Variants in PTPRM observed in about 807,000 individuals in gnomAD.
PTPRM encodes protein tyrosine phosphatase receptor type M.
A neutral mutation model predicts 186.7 loss-of-function variants in PTPRM; 47 were observed. The observed-to-expected ratio is 0.25, with a 90% CI of 0.20 to 0.32. The LOEUF (loss-of-function observed/expected upper bound fraction) is 0.32, where lower values mean the gene tolerates loss of function less well. Among genes scored for constraint, PTPRM ranks in the 10% least tolerant of loss-of-function variants. The pLI is 1.00. For synonymous variants in PTPRM, 668 were observed against 674.9 expected (o/e 0.99, Z 0.16); for missense variants, 1,494 against 1,865.0 (o/e 0.80, Z 3.66).
chr18:7,641,243 T>C (rs948247307), intron 1 of PTPRM, among the ~76,000 whole-genome samples: 2 of 152,176 alleles, frequency 1.3e-5, no homozygotes, highest in Non-Finnish European at 2.9e-5. Flanking sequence ...AATTTGTCTT[T>C]AATATTAAAT....
intron 9 of PTPRM, among the ~76,000 whole-genome samples, chr18:8,084,404 G>A (rs1346358662): frequency 6.6e-6 from 1 of 152,054 alleles, no homozygotes; most frequent in East Asian, 1.9e-4. Context: ...GTCTCTTCTT[G>A]ACTTCCTTAA....
intron 13 of PTPRM, chr18:8,121,788 A>G (rs1432044078): frequency 6.6e-6 from 1 of 152,250 alleles, no homozygotes; most frequent in Non-Finnish European, 1.5e-5. Context: ...AAGAGAAAAC[A>G]TTGTGATTTC....
intron 1 of PTPRM, among the ~76,000 whole-genome samples, chr18:7,685,082 TTATAAACG>T (rs1039857943): frequency 1.3e-5 from 2 of 152,184 alleles, no homozygotes; most frequent in African/African-American, 4.8e-5. Context: ...AGGCACACGA[TTATAAACG>T]TAATCACAGG....
intron 1 of PTPRM, among the ~76,000 whole-genome samples, chr18:7,594,074 A>C (rs1331652206): frequency 6.6e-6 from 1 of 152,226 alleles, no homozygotes; most frequent in African/African-American, 2.4e-5. Context: ...GTTCTTTCCC[A>C]GTCAAGTTTC....
chr18:7,603,230 G>C (rs1054256862), intron 1 of PTPRM, among the ~76,000 whole-genome samples: 1 of 152,060 alleles, frequency 6.6e-6, no homozygotes, highest in Non-Finnish European at 1.5e-5. Flanking sequence ...GCCCGGCCTG[G>C]AATTATTTTA....
At chr18:8,209,913 A>C (rs1028447053) in intron 14 of PTPRM, among the ~76,000 whole-genome samples, 2 of 150,846 alleles carry the variant, frequency 1.3e-5, no homozygotes, top group Non-Finnish European at 3.0e-5. Context: ...AGGTGCAGCA[A>C]ACCACCATGG....
chr18:7,994,623 A>G (rs562699789), intron 7 of PTPRM, among the ~76,000 whole-genome samples: 2 of 152,326 alleles, frequency 1.3e-5, no homozygotes, highest in South Asian at 2.1e-4. Context: ...AATCACTTCA[A>G]GTATTTTATC....
At chr18:7,969,139 C>CA (rs542653970) in intron 7 of PTPRM, among the ~76,000 whole-genome samples, 917 of 35,932 alleles carry the variant, frequency 0.026, 65 homozygotes, top group African/African-American at 0.1. Flanking sequence ...AACTAGAACT[C>CA]AGGATTAAGA....
rs2095285285 is a variant in PTPRM, at chr18:8,313,540, T to A, written c.2843-1241T>A. 2.0e-5 allele frequency among the ~76,000 whole-genome samples: 3 copies of A among 152,122 alleles called. No individual in the cohort carries two copies. In the South Asian group the frequency reaches 6.2e-4, roughly 32 times the overall value. ...ACAGCAGTGATCAGTGCAGGAAAAT[T>A]CTGCCCTTAGGGTGCTATTAGCACA... On this transcript the variant is annotated intron_variant, in intron 20 of 32. Coordinates refer to ENST00000580170, the MANE Select transcript of PTPRM (RefSeq NM_001105244.2).
chr18:7,764,968 A>G (rs1013706236), intron 1 of PTPRM, among the ~76,000 whole-genome samples: 2 of 152,226 alleles, frequency 1.3e-5, no homozygotes, highest in Non-Finnish European at 2.9e-5. Flanking sequence ...ACATTTATGC[A>G]GGGAATTCAT....
At chr18:8,400,618 G>A (rs992386042) in intron 32 of PTPRM, among the ~76,000 whole-genome samples, 21 of 151,868 alleles carry the variant, frequency 1.4e-4, no homozygotes, top group African/African-American at 2.4e-5. Context: ...CTCCCCCTCC[G>A]TCCCACTTAC....
chr18:8,274,050 A>G (rs2147658192), intron 19 of PTPRM, among the ~76,000 whole-genome samples: 1 of 152,312 alleles, frequency 6.6e-6, no homozygotes, highest in African/African-American at 2.4e-5. Context: ...AGGTAGCACT[A>G]GTACTTCTCC....
chr18:8,137,267 G>A (rs1225679414), intron 13 of PTPRM, among the ~76,000 whole-genome samples: 2 of 151,950 alleles, frequency 1.3e-5, no homozygotes, highest in South Asian at 2.1e-4. Flanking sequence ...GTTTGCCACC[G>A]AAACCTTTTG....
intron 14 of PTPRM, among the ~76,000 whole-genome samples, chr18:8,178,644 G>T (rs2093524584): frequency 6.6e-6 from 1 of 151,914 alleles, no homozygotes; most frequent in South Asian, 2.1e-4. Flanking sequence ...AAAACTAGCT[G>T]GGCATGGTGG....
chr18:7,989,900 CCTT>C (rs1175983749), intron 7 of PTPRM, among the ~76,000 whole-genome samples: 5 of 151,946 alleles, frequency 3.3e-5, no homozygotes, highest in South Asian at 2.1e-4. Context: ...ACATTTTCTT[CCTT>C]CTTCTTCTTT....
At chr18:8,093,309 A>G (rs1306657334) in intron 11 of PTPRM, among the ~76,000 whole-genome samples, 2 of 151,988 alleles carry the variant, frequency 1.3e-5, no homozygotes, top group African/African-American at 2.4e-5. Context: ...GATATTATTT[A>G]ACACTTCAAA....
intron 19 of PTPRM, among the ~76,000 whole-genome samples, chr18:8,289,944 A>G (rs2095024469): frequency 6.6e-6 from 1 of 152,082 alleles, no homozygotes; most frequent in South Asian, 2.1e-4. Flanking sequence ...GAAGCATCAC[A>G]TGCTCCTTTT....
chr18:7,771,061 T>C (rs2042248922), intron 1 of PTPRM, among the ~76,000 whole-genome samples: 1 of 152,230 alleles, frequency 6.6e-6, no homozygotes, highest in Non-Finnish European at 1.5e-5. Context: ...ACCAGTGTTG[T>C]ATTAGTCTTC....
rs545318826 is a variant in PTPRM, at chr18:7,601,742, A to G, written c.73+33851A>G. Among the ~76,000 whole-genome samples the G allele has an allele frequency of 4.0e-4, 61 of 152,230 alleles. 1 individual carries two copies. The highest frequency in any genetic ancestry group is 1.3e-4 in the Admixed American group (2 of 15,288). ...TTTATCAAGTAAGGTAGCATTTTACAAGTTTCAGGAGTTAAGACTTGATGA... is the reference window on the plus strand; with the variant it reads ...TTTATCAAGTAAGGTAGCATTTTACGAGTTTCAGGAGTTAAGACTTGATGA... On this transcript the variant is annotated intron_variant, in intron 1 of 32. Transcript: ENST00000580170.
Sources: allele counts gnomAD v4.1 joint callset (sites outside exome capture counted in the v4.1 genomes callset), GRCh38; gene constraint gnomAD v4.1.1; transcripts MANE v1.5; gene names NCBI Gene and HGNC (gene_info 2026-07-23, HGNC 2026-07-21).